Variants in VWA3B observed in about 807,000 individuals in gnomAD.
VWA3B encodes von Willebrand factor A domain containing 3B.
A neutral mutation model predicts 158.3 loss-of-function variants in VWA3B; 138 were observed. That is an observed-to-expected ratio of 0.87 (90% CI 0.76 to 1.00). The LOEUF (loss-of-function observed/expected upper bound fraction) is 1.00, where lower values mean the gene tolerates loss of function less well. Ranked by LOEUF, VWA3B falls within the 50% of genes least tolerant of loss-of-function variation. The probability of loss-of-function intolerance (pLI) is 0.00; values close to 1 mark genes in which losing one functional copy is unlikely to be tolerated. For missense variants in VWA3B, 1,555 were observed against 1,565.1 expected (o/e 0.99, Z 0.11); for synonymous variants, 596 against 587.3 (o/e 1.01, Z -0.21).
chr2:98,222,097 TC>T (rs146096893), intron 14 of VWA3B, among the ~76,000 whole-genome samples: 1,686 of 152,102 alleles, frequency 0.011, 32 homozygotes, highest in African/African-American at 0.039. Flanking sequence ...CCCCATAATG[TC>T]AGCAGGGCCC....
At chr2:98,215,775 C>G (rs1323545589) in intron 13 of VWA3B, among the ~76,000 whole-genome samples, 2 of 152,164 alleles carry the variant, frequency 1.3e-5, no homozygotes, top group African/African-American at 4.8e-5. Flanking sequence ...CTCGGCCTCT[C>G]AAAGTGCTGG....
At chr2:98,161,865 C>T (rs540426830) in intron 7 of VWA3B, among the ~76,000 whole-genome samples, 1 of 152,208 alleles carries the variant, frequency 6.6e-6, no homozygotes, top group African/African-American at 2.4e-5. Flanking sequence ...GGCCACCACG[C>T]TCAGCTAATT....
intron 21 of VWA3B, among the ~76,000 whole-genome samples, chr2:98,270,324 T>C (rs1688118635): frequency 6.6e-6 from 1 of 152,222 alleles, no homozygotes; most frequent in South Asian, 2.1e-4. Flanking sequence ...TGAAATCTCT[T>C]TGAAGCCCAT....
Position 98,270,780 on chromosome 2 carries a change from C to G in VWA3B, c.2942C>G (p.Ser981Trp). 1 of 1,614,116 alleles carries G rather than the reference C, an allele frequency of 6.2e-7. No homozygotes were observed. The highest frequency in any genetic ancestry group is 8.5e-7 in the Non-Finnish European group (1 of 1,179,990). ...TGGCCCATTTCACTGAAAGAGCTGT[C>G]GATGCTGGAAAGTGAAATCCTAGCT... Reference protein sequence around the residue: ...LNWPISLKELSMLESEILAGK... With the variant: ...LNWPISLKELWMLESEILAGK... The change falls in exon 22 of 28, where the codon TCG (serine) becomes TGG (tryptophan). Residue 981 changes from serine (S) to tryptophan (W), a missense_variant. Coordinates refer to ENST00000477737, the MANE Select transcript of VWA3B (RefSeq NM_144992.5).
At chr2:98,124,235 G>A (rs1351572595) in intron 5 of VWA3B, among the ~76,000 whole-genome samples, 1 of 152,202 alleles carries the variant, frequency 6.6e-6, no homozygotes, top group Non-Finnish European at 1.5e-5. Flanking sequence ...AACAGTGAAA[G>A]GTTGGAAAGG....
intron 12 of VWA3B, among the ~76,000 whole-genome samples, chr2:98,207,882 A>G (rs1683152905): frequency 6.6e-6 from 1 of 152,190 alleles, no homozygotes; most frequent in South Asian, 2.1e-4. Context: ...TTCCAATACA[A>G]TGTACACCCC....
intron 22 of VWA3B, among the ~76,000 whole-genome samples, chr2:98,271,776 G>A (rs574749873): frequency 2.0e-5 from 3 of 152,186 alleles, no homozygotes; most frequent in Non-Finnish European, 4.4e-5. Context: ...GGATCAAAGA[G>A]TATAAACATT....
intron 19 of VWA3B, among the ~76,000 whole-genome samples, chr2:98,247,780 A>C (rs1028311030): frequency 2.0e-5 from 3 of 151,996 alleles, no homozygotes; most frequent in African/African-American, 7.3e-5. Context: ...TTGTGGGCTG[A>C]TTTTTGATCT....
intron 14 of VWA3B, among the ~76,000 whole-genome samples, chr2:98,219,851 T>C (rs927169595): frequency 6.6e-6 from 1 of 152,032 alleles, no homozygotes; most frequent in Admixed American, 6.6e-5. Context: ...AAGCAGGATA[T>C]AAAATAGACT....
the VWA3B span, among the ~76,000 whole-genome samples, chr2:98,327,897 T>G: frequency 6.6e-6 from 1 of 152,218 alleles, no homozygotes; most frequent in Non-Finnish European, 1.5e-5. Flanking sequence ...CCGACAGCTG[T>G]TACCTATTGC....
intron 7 of VWA3B, among the ~76,000 whole-genome samples, chr2:98,155,778 C>T (rs534113915): frequency 3.3e-5 from 5 of 152,188 alleles, no homozygotes; most frequent in Non-Finnish European, 5.9e-5. Context: ...GTCGGGGGTT[C>T]CCAGCACTGT....
chr2:98,185,187 G>A (rs1680918599), intron 9 of VWA3B, among the ~76,000 whole-genome samples: 1 of 152,086 alleles, frequency 6.6e-6, no homozygotes, highest in Non-Finnish European at 1.5e-5. Context: ...GTCTGACCAA[G>A]TCATCTGTAG....
chr2:98,199,145 G>A (rs923467088), intron 12 of VWA3B, among the ~76,000 whole-genome samples: 22 of 151,614 alleles, frequency 1.5e-4, no homozygotes, highest in African/African-American at 4.1e-4. Context: ...TTATAAGTTC[G>A]TCCAACTTAT....
chr2:98,311,815 CT>C lies in VWA3B; in HGVS notation c.3522-3del, dbSNP rs747907427. The C allele has an allele frequency of 6.3e-7, 1 of 1,597,174 alleles. No homozygotes were observed. The highest frequency in any genetic ancestry group is 2.2e-5 in the East Asian group (1 of 44,626). ...GGGTAACCCTGATCTCTCTCTGTCT[CT>C]AGAGAGGATGTGGAGGCGAGGAACT... is the stretch of plus-strand genomic sequence containing the variant. On this transcript the variant is annotated splice_polypyrimidine_tract_variant and splice_region_variant and intron_variant, in intron 26 of 27. Transcript: ENST00000477737.
chr2:98,200,119 A>C (rs964185901), intron 12 of VWA3B, among the ~76,000 whole-genome samples: 2 of 152,148 alleles, frequency 1.3e-5, no homozygotes, highest in Non-Finnish European at 2.9e-5. Context: ...TCGTCTTTTC[A>C]TGCTTATTAG....
intron 21 of VWA3B, among the ~76,000 whole-genome samples, chr2:98,259,505 A>G (rs1212562029): frequency 6.6e-6 from 1 of 151,664 alleles, no homozygotes. Context: ...TGTGCATTTC[A>G]TCTAGATTAT....
intron 22 of VWA3B, among the ~76,000 whole-genome samples, chr2:98,276,292 T>C (rs1039954936): frequency 4.1e-4 from 62 of 152,188 alleles, no homozygotes; most frequent in Non-Finnish European, 8.5e-4. Context: ...ACCCCGCAGA[T>C]TCGATTTTGT....
In VWA3B at chr2:98,119,758, C is replaced by A; in HGVS notation, c.537C>A (p.Ile179=). The A allele has an allele frequency of 1.2e-6, 2 of 1,613,654 alleles. No homozygotes were observed. The highest frequency in any genetic ancestry group is 2.2e-5 in the South Asian group (2 of 91,004). ...TGGCTCACATAACCGAGTTCAATAT[C>A]ATACGGTGAGTTCCCATAGGAAGGG... ...EQVAHITEFN[I]IRVSQEPVKW... Residue 179 remains isoleucine (I), a synonymous_variant, in exon 4 of 28, where the codon ATC becomes ATA. Coordinates refer to ENST00000477737, the MANE Select transcript of VWA3B (RefSeq NM_144992.5).
rs147927725 is a variant in VWA3B at position 98,294,775 on chromosome 2, G to A, written c.3158-3132G>A. Among the ~76,000 whole-genome samples the A allele has an allele frequency of 6.1e-3, 931 of 152,284 alleles. 3 individuals are homozygous for A. Among genetic ancestry groups the A allele is most frequent in the Middle Eastern group, 0.014 (4 of 294 alleles). On this transcript the variant is annotated intron_variant, in intron 23 of 27. Transcript: ENST00000477737. ...CACTTTCTCAGGTGTGATGAGCTCAGGTCAAAAGTCCTGTGTTTTCATTTA... is the reference window on the plus strand; with the variant it reads ...CACTTTCTCAGGTGTGATGAGCTCAAGTCAAAAGTCCTGTGTTTTCATTTA...
Sources: gnomAD v4.1 joint callset for allele counts (sites outside exome capture counted in the v4.1 genomes callset) on GRCh38, gnomAD v4.1.1 for gene constraint, MANE v1.5 for transcripts, NCBI Gene and HGNC (gene_info 2026-07-23, HGNC 2026-07-21) for gene names.